Variants in PLEKHD1 observed in about 807,000 individuals in gnomAD.
The protein encoded by PLEKHD1 is pleckstrin homology and coiled-coil domain containing D1, also known as pleckstrin homology domain-containing family D member 1.
A neutral mutation model predicts 69.2 loss-of-function variants in PLEKHD1; 51 were observed. The ratio of observed to expected loss-of-function variants is 0.74; its 90% CI spans 0.59 to 0.93. The LOEUF (loss-of-function observed/expected upper bound fraction) is 0.93, where lower values mean the gene tolerates loss of function less well. Among genes scored for constraint, PLEKHD1 ranks in the 40% least tolerant of loss-of-function variants. The pLI, the probability that PLEKHD1 is intolerant of heterozygous loss-of-function variation, is 0.00. For missense variants in PLEKHD1, 584 were observed against 641.0 expected (o/e 0.91, Z 0.96); for synonymous variants, 236 against 244.7 (o/e 0.96, Z 0.33).
At chr14:69,488,375 A>G (rs2139491902) in intron 1 of PLEKHD1, among the ~76,000 whole-genome samples, 1 of 152,248 alleles carries the variant, frequency 6.6e-6, no homozygotes, top group South Asian at 2.1e-4. Flanking sequence ...GAGCAGAGAG[A>G]AGAGCCTATC....
chr14:69,487,695 G>T (rs1882686340), intron 1 of PLEKHD1, among the ~76,000 whole-genome samples: 1 of 152,214 alleles, frequency 6.6e-6, no homozygotes. Flanking sequence ...AAGGGGAAGG[G>T]AATCAAAAGC....
At chr14:69,501,986 G>A (rs957575621) in intron 5 of PLEKHD1, 161 bp downstream of exon 5, 3 of 579,638 alleles carry the variant, frequency 5.2e-6, no homozygotes, top group African/African-American at 1.9e-5. Flanking sequence ...GGTACACTAC[G>A]CATCCTTTTG....
At chr14:69,512,528 A>C (rs1883293103) in intron 6 of PLEKHD1, among the ~76,000 whole-genome samples, 1 of 151,430 alleles carries the variant, frequency 6.6e-6, no homozygotes, top group Admixed American at 6.6e-5. Flanking sequence ...ATTTGATGCT[A>C]TGCATTTCTC....
At chr14:69,514,923 A>G (rs541929466) in intron 6 of PLEKHD1, among the ~76,000 whole-genome samples, 5 of 152,202 alleles carry the variant, frequency 3.3e-5, no homozygotes, top group African/African-American at 1.2e-4. Flanking sequence ...GAAGAACAGA[A>G]TGGCCTCAGG....
chr14:69,526,957 A>T, intron 10 of PLEKHD1, 128 bp downstream of exon 10: 1 of 1,349,360 alleles, frequency 7.4e-7, no homozygotes, highest in Non-Finnish European at 9.8e-7. Flanking sequence ...GGCATGGGGG[A>T]TGGAGCCACC....
rs538438734 is a variant in PLEKHD1, at chr14:69,514,514, T to A, written c.556-7769T>A. Among the ~76,000 whole-genome samples, 352 of 152,340 alleles carry A rather than the reference T, an allele frequency of 2.3e-3. 1 individual carries two copies. Among genetic ancestry groups the A allele is most frequent in the African/African-American group, 8.2e-3 (339 of 41,582 alleles). On this transcript the variant is annotated intron_variant, in intron 6 of 12. Coordinates refer to ENST00000322564, the MANE Select transcript of PLEKHD1 (RefSeq NM_001161498.2). ...CATTAAAGCTCTTAATACATTAATC[T>A]TAGTTTGCGTTTAAATTCCTGGTCT...
chr14:69,511,059 A>G (rs917212004), intron 6 of PLEKHD1, among the ~76,000 whole-genome samples: 3 of 152,204 alleles, frequency 2.0e-5, no homozygotes, highest in Non-Finnish European at 4.4e-5. Flanking sequence ...TGATTTTCAA[A>G]TATTGAACCA....
intron 6 of PLEKHD1, among the ~76,000 whole-genome samples, chr14:69,504,967 G>A (rs77560131): frequency 0.011 from 1,677 of 152,332 alleles, 64 homozygotes; most frequent in Admixed American, 0.07. Context: ...CTGGCAGGGA[G>A]AGAGACAGAC....
chr14:69,518,030 A>ATTTG (rs34205458), intron 6 of PLEKHD1, among the ~76,000 whole-genome samples: 23 of 38,518 alleles, frequency 6.0e-4, no homozygotes, highest in African/African-American at 1.5e-3. Context: ...TTATTTATTT[A>ATTTG]TTTGTTTGTT....
At chr14:69,511,684 G>A (rs1379402443) in intron 6 of PLEKHD1, among the ~76,000 whole-genome samples, 1 of 151,950 alleles carries the variant, frequency 6.6e-6, no homozygotes, top group Non-Finnish European at 1.5e-5. Flanking sequence ...CAAGTAGCTG[G>A]GATTACAGGT....
At chr14:69,470,667 CA>C in the PLEKHD1 span, among the ~76,000 whole-genome samples, 5 of 152,154 alleles carry the variant, frequency 3.3e-5, no homozygotes, top group Non-Finnish European at 7.4e-5. Flanking sequence ...TGCCCATGAT[CA>C]TCCTTATCAG....
intron 6 of PLEKHD1, among the ~76,000 whole-genome samples, chr14:69,513,168 A>T (rs1032447640): frequency 6.6e-6 from 1 of 151,962 alleles, no homozygotes; most frequent in Non-Finnish European, 1.5e-5. Flanking sequence ...GCAGTGAGAC[A>T]AGATGGCACC....
chr14:69,492,590 C>T lies in PLEKHD1; in HGVS notation c.149+7476C>T, dbSNP rs184212133. Among the ~76,000 whole-genome samples, 21 of 152,336 alleles carry T rather than the reference C, an allele frequency of 1.4e-4. No individual in the cohort carries two copies. In the East Asian group the frequency reaches 3.3e-3, roughly 24 times the overall value. On this transcript the variant is annotated intron_variant, in intron 1 of 12. Transcript: ENST00000322564. Reference sequence around the variant, plus strand: ...GGTGTATCCTCTTGATGCTTTACAACTATCCTAGCTCCCCCATTCCCAGCT... The same window carrying T: ...GGTGTATCCTCTTGATGCTTTACAATTATCCTAGCTCCCCCATTCCCAGCT...
chr14:69,497,114 G>A (rs943828522), intron 1 of PLEKHD1, among the ~76,000 whole-genome samples: 2 of 152,168 alleles, frequency 1.3e-5, no homozygotes, highest in Non-Finnish European at 2.9e-5. Flanking sequence ...GCATCACTCA[G>A]CGCTGTCCTG....
intron 7 of PLEKHD1, among the ~76,000 whole-genome samples, chr14:69,523,616 A>C (rs112189684): frequency 0.022 from 3,422 of 152,264 alleles, 55 homozygotes; most frequent in Middle Eastern, 0.054. Flanking sequence ...ATATGTAATC[A>C]GGTGCTAGAA....
Position 69,500,153 on chromosome 14 carries a change from C to T in PLEKHD1, c.188C>T (p.Ser63Phe). ...IIKESFLLYYSESEKKSFETN... is the reference protein window; with the variant it reads ...IIKESFLLYYFESEKKSFETN... ...AAAGAGAGCTTTCTGCTTTACTACT[C>T]TGAGAGCGAAAAAAAGAGCTTTGAA... Residue 63 changes from serine to phenylalanine, a missense_variant, in exon 2 of 13, where the codon TCT (serine) becomes TTT (phenylalanine). Coordinates refer to ENST00000322564, the MANE Select transcript of PLEKHD1 (RefSeq NM_001161498.2). The T allele has an allele frequency of 6.4e-7, 1 of 1,550,976 alleles. No homozygotes were observed. Among genetic ancestry groups the T allele is most frequent in the Non-Finnish European group, 8.7e-7 (1 of 1,146,402 alleles).
At chr14:69,509,052 A>T (rs545874596) in intron 6 of PLEKHD1, among the ~76,000 whole-genome samples, 2 of 152,198 alleles carry the variant, frequency 1.3e-5, no homozygotes, top group South Asian at 4.2e-4. Flanking sequence ...TTTTATGGAG[A>T]TGGGGTCTTG....
intron 1 of PLEKHD1, among the ~76,000 whole-genome samples, chr14:69,488,445 C>T (rs1882701264): frequency 6.6e-6 from 1 of 152,186 alleles, no homozygotes; most frequent in African/African-American, 2.4e-5. Flanking sequence ...TTTGGTCTCA[C>T]TTTCTGGCAC....
At chr14:69,474,826 A>G in the PLEKHD1 span, among the ~76,000 whole-genome samples, 1 of 152,222 alleles carries the variant, frequency 6.6e-6, no homozygotes, top group Non-Finnish European at 1.5e-5. Context: ...AGAAAGTATG[A>G]TGCAGAGAGT....
Sources: allele counts gnomAD v4.1 joint callset (sites outside exome capture counted in the v4.1 genomes callset), GRCh38; gene constraint gnomAD v4.1.1; transcripts MANE v1.5; gene names NCBI Gene and HGNC (gene_info 2026-07-23, HGNC 2026-07-21).